Variants in PTPRD observed in about 807,000 individuals in gnomAD.
PTPRD encodes receptor-type tyrosine-protein phosphatase delta.
Under a neutral mutation model 214.5 loss-of-function variants are expected in PTPRD, and 34 were observed. That is an observed-to-expected ratio of 0.16 (90% CI 0.12 to 0.21). PTPRD has a LOEUF of 0.21. Ranked by LOEUF, PTPRD falls within the 10% of genes least tolerant of loss-of-function variation. The pLI, the probability that PTPRD is intolerant of heterozygous loss-of-function variation, is 1.00. For synonymous variants in PTPRD, 1,128 were observed against 845.7 expected, an observed-to-expected ratio of 1.33 and a Z score of -5.79; for missense variants, 2,545 against 2,398.7, an observed-to-expected ratio of 1.06 and a Z score of -1.27.
chr9:9,311,456 GGCTACT>G (rs1337811907), intron 9 of PTPRD, among the ~76,000 whole-genome samples: 1 of 151,960 alleles, frequency 6.6e-6, no homozygotes, highest in Non-Finnish European at 1.5e-5. Context: ...TCAGACACAA[GGCTACT>G]GCTCCAATGT....
intron 11 of PTPRD, among the ~76,000 whole-genome samples, chr9:8,972,033 T>C (rs1185124861): frequency 4.0e-5 from 6 of 151,826 alleles, no homozygotes; most frequent in Admixed American, 1.3e-4. Flanking sequence ...TACAATTCTG[T>C]GGCAGGCTAG....
chr9:10,580,113 G>C (rs2071183850), intron 2 of PTPRD, among the ~76,000 whole-genome samples: 2 of 152,162 alleles, frequency 1.3e-5, no homozygotes, highest in Non-Finnish European at 2.9e-5. Flanking sequence ...CTTCATGTGT[G>C]TCTTCTATTA....
chr9:10,273,473 GA>G lies in PTPRD; in HGVS notation c.-545+67489del, dbSNP rs200964414. The stretch of plus-strand genomic sequence containing the variant: ...AGAGTTAGATAAAAATTTAAAGAAA[GA>G]AAAAAGTAGTCAAGTACCAACTAAT... On this transcript the variant is annotated intron_variant, in intron 3 of 45. Coordinates refer to ENST00000381196, the MANE Select transcript of PTPRD (RefSeq NM_002839.4). 1.6e-4 allele frequency among the ~76,000 whole-genome samples: 25 copies of G among 152,076 alleles called. No individual in the cohort carries two copies. In the East Asian group the frequency reaches 4.4e-3, roughly 27 times the overall value.
chr9:8,794,621 G>C (rs2096353376), intron 11 of PTPRD, among the ~76,000 whole-genome samples: 1 of 151,134 alleles, frequency 6.6e-6, no homozygotes, highest in African/African-American at 2.4e-5. Flanking sequence ...TGGAGCTACA[G>C]GCATGTGTCA....
At chr9:9,139,573 C>A (rs1174925518) in intron 10 of PTPRD, among the ~76,000 whole-genome samples, 2 of 151,904 alleles carry the variant, frequency 1.3e-5, no homozygotes, top group Non-Finnish European at 2.9e-5. Flanking sequence ...CTAAGTGACT[C>A]AGGAATGGGT....
intron 10 of PTPRD, among the ~76,000 whole-genome samples, chr9:9,165,414 A>G (rs1410536138): frequency 6.6e-6 from 1 of 152,230 alleles, no homozygotes; most frequent in Non-Finnish European, 1.5e-5. Flanking sequence ...GAGAAATAGC[A>G]TTCTATGCAG....
At chr9:9,953,371 G>C (rs1025499755) in intron 4 of PTPRD, among the ~76,000 whole-genome samples, 5 of 152,004 alleles carry the variant, frequency 3.3e-5, no homozygotes, top group Non-Finnish European at 7.4e-5. Context: ...ACACCATTCA[G>C]TAACAGGTGT....
intron 14 of PTPRD, among the ~76,000 whole-genome samples, chr9:8,604,793 T>C (rs979574197): frequency 6.6e-6 from 1 of 152,176 alleles, no homozygotes; most frequent in Non-Finnish European, 1.5e-5. Context: ...TTTCAGGCTT[T>C]CATAAACGGG....
chr9:8,356,129 T>C (rs567114943), intron 39 of PTPRD, among the ~76,000 whole-genome samples: 10 of 152,212 alleles, frequency 6.6e-5, no homozygotes, highest in Non-Finnish European at 1.5e-4. Context: ...TAAGACCAAA[T>C]ACTTTACTAT....
chr9:10,548,077 G>C (rs532352823), intron 2 of PTPRD, among the ~76,000 whole-genome samples: 162 of 152,150 alleles, frequency 1.1e-3, no homozygotes, highest in South Asian at 8.5e-3. Flanking sequence ...GCCTCTCACA[G>C]CTCTGAGACA....
rs551566834 is a variant in PTPRD at position 9,904,576 on chromosome 9, G to C, written c.-368+33931C>G. Among the ~76,000 whole-genome samples the C allele has an allele frequency of 1.6e-4, 24 of 151,986 alleles. No homozygotes were observed. In the South Asian group the frequency reaches 5.0e-3, roughly 32 times the overall value. On this transcript the variant is annotated intron_variant, in intron 5 of 45. Transcript: ENST00000381196. ...GGCCACAGTAATTTTTTTAGCCTTA[G>C]CTTCCTTCCACACCTACAAAATAAG...
At chr9:9,214,296 G>T (rs766161937) in intron 9 of PTPRD, among the ~76,000 whole-genome samples, 1 of 152,176 alleles carries the variant, frequency 6.6e-6, no homozygotes, top group African/African-American at 2.4e-5. Flanking sequence ...AGCTGAAAAA[G>T]AGCTGAACAC....
intron 5 of PTPRD, among the ~76,000 whole-genome samples, chr9:9,782,685 A>G (rs1042642462): frequency 1.3e-5 from 2 of 152,174 alleles, no homozygotes; most frequent in Admixed American, 1.3e-4. Flanking sequence ...AAGACAAAAG[A>G]AGGAAACAAA....
At chr9:10,327,832 T>C (rs886228304) in intron 3 of PTPRD, among the ~76,000 whole-genome samples, 3 of 151,774 alleles carry the variant, frequency 2.0e-5, no homozygotes, top group South Asian at 2.1e-4. Context: ...GAAGGTCTCC[T>C]GTCAGGGCTG....
At chr9:10,593,878 T>G (rs1406047165) in intron 2 of PTPRD, among the ~76,000 whole-genome samples, 1 of 151,992 alleles carries the variant, frequency 6.6e-6, no homozygotes, top group Non-Finnish European at 1.5e-5. Context: ...TTCCAAAATA[T>G]TTCCTCCAGC....
chr9:10,194,335 TATATATATATAGAGAGAGAG>T (rs1218953705), intron 3 of PTPRD, among the ~76,000 whole-genome samples: 14 of 66,418 alleles, frequency 2.1e-4, no homozygotes, highest in East Asian at 1.3e-3. Flanking sequence ...TATATATATA[TATATATATATAGAGAGAGAG>T]AGAGAGAGAG....
chr9:8,521,881 A>T (rs1023697132), intron 19 of PTPRD, among the ~76,000 whole-genome samples: 14 of 152,228 alleles, frequency 9.2e-5, no homozygotes, highest in African/African-American at 3.4e-4. Flanking sequence ...ACATGCAGGC[A>T]TATAACAATG....
At chr9:8,449,609 G>A in intron 34 of PTPRD, 116 bp downstream of exon 34, 4 of 941,750 alleles carry the variant, frequency 4.2e-6, no homozygotes, top group Non-Finnish European at 6.2e-6. Flanking sequence ...TAAAATAAAA[G>A]AGCAGGATGA....
chr9:8,591,031 G>T (rs1488389426), intron 14 of PTPRD, among the ~76,000 whole-genome samples: 2 of 152,050 alleles, frequency 1.3e-5, no homozygotes, highest in African/African-American at 4.8e-5. Flanking sequence ...CTTGGCTTGT[G>T]ATCCTTTTTC....
Sources: gnomAD v4.1 joint callset for allele counts (sites outside exome capture counted in the v4.1 genomes callset) on GRCh38, gnomAD v4.1.1 for gene constraint, MANE v1.5 for transcripts, NCBI Gene and HGNC (gene_info 2026-07-23, HGNC 2026-07-21) for gene names.